Variants in MKI67 observed in about 807,000 individuals in gnomAD.
The protein encoded by MKI67 is marker of proliferation Ki-67, also known as proliferation marker protein Ki-67.
A neutral mutation model predicts 233.5 loss-of-function variants in MKI67; 152 were observed. The ratio of observed to expected loss-of-function variants is 0.65; its 90% CI spans 0.57 to 0.74. The LOEUF (loss-of-function observed/expected upper bound fraction) is 0.74. MKI67 is among the 30% of genes least tolerant of loss of function. The pLI is 0.00. For synonymous variants in MKI67, 1,465 were observed against 1,418.5 expected (o/e 1.03, Z -0.74); for missense variants, 3,940 against 3,885.2 (o/e 1.01, Z -0.37).
At position 128,103,990 on chromosome 10, in the gene MKI67, G is replaced by C; in HGVS notation, c.7850C>G (p.Ser2617Ter). ...RPRKEVKEEL[S>*]AVERLTQTSG... ...TGTTTGCGTGAGCCTCTCAACTGCTGAGAGCTCCTCTTTTACTTCTTTCCT... is the reference window on the plus strand; with the variant it reads ...TGTTTGCGTGAGCCTCTCAACTGCTCAGAGCTCCTCTTTTACTTCTTTCCT... Residue 2617 changes from serine to a stop codon, truncating the protein, a stop_gained, in exon 13 of 15, where the codon TCA becomes TGA. Transcript: ENST00000368654. LOFTEE classifies it high-confidence loss of function. 6.2e-7 allele frequency: 1 copy of C among 1,614,086 alleles called. No homozygotes were observed. Among genetic ancestry groups the C allele is most frequent in the Non-Finnish European group, 8.5e-7 (1 of 1,180,038 alleles).
rs371837560 is a variant in MKI67 at position 128,103,299 on chromosome 10, C to T, written c.8541G>A (p.Gln2847=). 2.5e-6 allele frequency: 4 copies of T among 1,614,208 alleles called. No homozygotes were observed. The highest frequency in any genetic ancestry group is 3.4e-6 in the Non-Finnish European group (4 of 1,180,034). The change falls in exon 13 of 15, where the codon CAG becomes CAA. Residue 2847 remains glutamine, a synonymous_variant. Transcript: ENST00000368654. ...ACAGCTCCTCCTTCACTTCTACTTTCTGGGCACGTGTCCTGGGCCGTCTCT... is the reference window on the plus strand; with the variant it reads ...ACAGCTCCTCCTTCACTTCTACTTTTTGGGCACGTGTCCTGGGCCGTCTCT... The part of the protein sequence containing the change: ...SSKRRPRTRA[Q]KVEVKEELLA...
chr10:128,108,748 T>C lies in MKI67; in HGVS notation c.3092A>G (p.Lys1031Arg), dbSNP rs565403668. 14 of 1,614,246 alleles carry C rather than the reference T, an allele frequency of 8.7e-6. No homozygotes were observed. In the African/African-American group the frequency reaches 1.9e-4, roughly 22 times the overall value. Residue 1031 changes from lysine to arginine, a missense_variant, in exon 13 of 15, where the codon AAA becomes AGA. Coordinates refer to ENST00000368654, the MANE Select transcript of MKI67 (RefSeq NM_002417.5). ...TKQQLKASLG[K>R]VGVKEELLAV... is the part of the protein sequence containing the mutation. Reference sequence around the variant, plus strand: ...TAGGAGCTCTTCTTTCACACCTACTTTCCCCAGGGATGCCTTCAACTGTTG... The same window carrying C: ...TAGGAGCTCTTCTTTCACACCTACTCTCCCCAGGGATGCCTTCAACTGTTG...
chr10:128,103,878 T>C lies in MKI67; in HGVS notation c.7962A>G (p.Pro2654=), dbSNP rs374912940. 177 of 1,613,726 alleles carry C rather than the reference T, an allele frequency of 1.1e-4. No homozygotes were observed. Among genetic ancestry groups the C allele is most frequent in the Non-Finnish European group, 1.4e-4 (169 of 1,179,966 alleles). ...TGCTGGGTTCCTCTTCTACTGGGTT[T>C]GGTTTCTTCTTTGCACGTTGCTTCA... ...KVLKQRAKKK[P]NPVEEEPSRR... The change falls in exon 13 of 15, where the codon CCA becomes CCG. Residue 2654 remains proline (P), a synonymous_variant. Coordinates refer to ENST00000368654, the MANE Select transcript of MKI67 (RefSeq NM_002417.5).
chr10:128,104,632 A>G lies in MKI67; in HGVS notation c.7208T>C (p.Phe2403Ser). 6.2e-7 allele frequency: 1 copy of G among 1,613,538 alleles called. No individual in the cohort carries two copies. Among genetic ancestry groups the G allele is most frequent in the Non-Finnish European group, 8.5e-7 (1 of 1,179,910 alleles). ...CAGTTTCTGCACTGGAGTTTCCACA[A>G]ATGTGTTGATATTTTTCTCATCACT... The part of the protein sequence containing the change: ...AVSDEKNINT[F>S]VETPVQKLDL... Residue 2403 changes from phenylalanine to serine, a missense_variant, in exon 13 of 15, where the codon TTT becomes TCT. Phe to Ser is a radical substitution (Grantham distance 155). Transcript: ENST00000368654.
chr10:128,100,338 C>G (rs1341888027), intron 14 of MKI67, among the ~76,000 whole-genome samples: 2 of 152,168 alleles, frequency 1.3e-5, no homozygotes, highest in African/African-American at 4.8e-5. Context: ...GGCTATGCAG[C>G]AGGTACTGGG....
At position 128,106,037 on chromosome 10, in the gene MKI67, G is replaced by T; in HGVS notation, c.5803C>A (p.Pro1935Thr). 1 of 1,614,080 alleles carries T rather than the reference G, an allele frequency of 6.2e-7. No individual in the cohort carries two copies. The highest frequency in any genetic ancestry group is 8.5e-7 in the Non-Finnish European group (1 of 1,180,000). Residue 1935 changes from proline to threonine, a missense_variant, in exon 13 of 15, where the codon CCT (proline) becomes ACT (threonine). Transcript: ENST00000368654. ...VEKLDLLGNL[P>T]GSKRRPQTPK... ...GTTTGTGGCCGTCTCTTGCTGCCAG[G>T]TAAATTTCCTAGCAGGTCCAGTTTC...
rs1227901875 is a variant in MKI67 at position 128,103,485 on chromosome 10, TCTC to T, written c.8352_8354del (p.Arg2786del). ...CACTTTCCCTGGGTGCTCTTGGCCGTCTCCTGCTGCCAGTTACACTTGCTGCTG... is the reference window on the plus strand; with the variant it reads ...CACTTTCCCTGGGTGCTCTTGGCCGTCTGCTGCCAGTTACACTTGCTGCTG... On this transcript the variant is annotated inframe_deletion, in exon 13 of 15. Transcript: ENST00000368654. The T allele has an allele frequency of 1.9e-6, 3 of 1,613,840 alleles. No individual in the cohort carries two copies. The highest frequency in any genetic ancestry group is 2.5e-6 in the Non-Finnish European group (3 of 1,179,868).
At chr10:128,109,642 T>C (rs768204498) in intron 12 of MKI67, among the ~76,000 whole-genome samples, 2 of 152,208 alleles carry the variant, frequency 1.3e-5, no homozygotes, top group African/African-American at 4.8e-5. Context: ...TAAGCAAAGT[T>C]AGATGCTGAA....
intron 2 of MKI67, among the ~76,000 whole-genome samples, chr10:128,124,683 C>G (rs1400157394): frequency 6.6e-6 from 1 of 152,116 alleles, no homozygotes; most frequent in East Asian, 1.9e-4. Flanking sequence ...GGGAGACAAA[C>G]CCACAACTCA....
chr10:128,116,251 TGAGTTGAC>T (rs1470988334), intron 6 of MKI67, among the ~76,000 whole-genome samples: 1 of 152,232 alleles, frequency 6.6e-6, no homozygotes, highest in Non-Finnish European at 1.5e-5. Context: ...TACTGAGAAC[TGAGTTGAC>T]AGCTGAACAG....
intron 8 of MKI67, among the ~76,000 whole-genome samples, chr10:128,112,750 C>T (rs115097086): frequency 1.3e-5 from 2 of 152,116 alleles, no homozygotes; most frequent in African/African-American, 4.8e-5. Context: ...TGTGAGCACC[C>T]AGCCCCCGGC....
At position 128,111,373 on chromosome 10, in the gene MKI67, A is replaced by G. The variant is rs183011031; in HGVS notation, c.2260+272T>C. 268 of 321,122 alleles carry G rather than the reference A, an allele frequency of 8.3e-4. 3 individuals carry two copies. Among genetic ancestry groups the G allele is most frequent in the Admixed American group, 5.4e-3 (116 of 21,588 alleles). The allele number at this position is 321,122 out of a possible 1,614,324, so 19.9% of individuals were successfully genotyped here. A position where few individuals can be genotyped will look rare whatever the true frequency, so the allele number is the denominator to read the frequency against. ...ACTGTAAAGCACCTTCCAGCTTTCT[A>G]TGTATACGCTGCTCTCCAGGGTAAA... On this transcript the variant is annotated intron_variant, in intron 11 of 14. Transcript: ENST00000368654.
intron 14 of MKI67, among the ~76,000 whole-genome samples, chr10:128,100,056 G>T (rs960199654): frequency 1.3e-5 from 2 of 152,164 alleles, no homozygotes; most frequent in Admixed American, 6.5e-5. Flanking sequence ...GCGTTTTATT[G>T]TAAGACTCGA....
At position 128,108,151 on chromosome 10, in the gene MKI67, AGCT is replaced by A. The variant is rs754046851; in HGVS notation, c.3686_3688del (p.Glu1229_Leu1230delinsVal). On this transcript the variant is annotated inframe_deletion, in exon 13 of 15. Coordinates refer to ENST00000368654, the MANE Select transcript of MKI67 (RefSeq NM_002417.5). ...CTCGGTGTGACCAGGAGTCTGGAAG[AGCT>A]CTTTAAAGCCAGCCAGGTCTTCTAG... The A allele has an allele frequency of 6.2e-7, 1 of 1,612,760 alleles. No homozygotes were observed. Among genetic ancestry groups the A allele is most frequent in the Non-Finnish European group, 8.5e-7 (1 of 1,179,774 alleles).
Position 128,101,361 on chromosome 10 carries a change from C to G in MKI67, c.9602G>C (p.Arg3201Thr). 2 of 1,614,210 alleles carry G rather than the reference C, an allele frequency of 1.2e-6. No homozygotes were observed. The highest frequency in any genetic ancestry group is 1.7e-6 in the Non-Finnish European group (2 of 1,180,018). Reference sequence around the variant, plus strand: ...AGGCTGGCTTTTTGTCTTTCTTGATCTCAGGCACATGGAGTCTGAATTTCC... The same window carrying G: ...AGGCTGGCTTTTTGTCTTTCTTGATGTCAGGCACATGGAGTCTGAATTTCC... ...EAGNSDSMCLRSRKTKSQPAA... is the reference protein window; with the variant it reads ...EAGNSDSMCLTSRKTKSQPAA... The change falls in exon 14 of 15, where the codon AGA (arginine) becomes ACA (threonine). Residue 3201 changes from arginine to threonine, a missense_variant. Transcript: ENST00000368654.
Position 128,103,011 on chromosome 10 carries a change from T to C in MKI67, c.8829A>G (p.Thr2943=), listed in dbSNP as rs1364015573. ...ELANGAADSF[T]SAPKQTPDSG... ...TGTCAGGTGTTTGCTTTGGAGCGCT[T>C]GTAAAGCTATCAGCAGCACCATTTG... The change falls in exon 13 of 15, where the codon ACA becomes ACG. Residue 2943 remains threonine (T), a synonymous_variant. Coordinates refer to ENST00000368654, the MANE Select transcript of MKI67 (RefSeq NM_002417.5). 1.9e-6 allele frequency: 3 copies of C among 1,614,244 alleles called. No homozygotes were observed. Among genetic ancestry groups the C allele is most frequent in the South Asian group, 1.1e-5 (1 of 91,088 alleles).
Position 128,105,735 on chromosome 10 carries a change from A to G in MKI67, c.6105T>C (p.Asp2035=), listed in dbSNP as rs200379535. 1.6e-4 allele frequency: 257 copies of G among 1,612,944 alleles called. 1 individual carries two copies. The East Asian group carries it at 5.4e-3, about 34-fold the overall frequency. ...TTQTHRETAG[D]GKSIKAFKES... is the part of the protein sequence containing the mutation. ...CCTTAAACGCTTTGATGCTCTTTCCATCTCCTGCTGTCTCTCTGTGTGTCT... is the reference window on the plus strand; with the variant it reads ...CCTTAAACGCTTTGATGCTCTTTCCGTCTCCTGCTGTCTCTCTGTGTGTCT... The change falls in exon 13 of 15, where the codon GAT becomes GAC. Residue 2035 remains aspartate, a synonymous_variant. Coordinates refer to ENST00000368654, the MANE Select transcript of MKI67 (RefSeq NM_002417.5).
In MKI67 at chr10:128,113,569, C is replaced by T. The variant is rs751858908; in HGVS notation, c.1514G>A (p.Arg505His). 4.3e-5 allele frequency: 69 copies of T among 1,614,172 alleles called. No homozygotes were observed. The South Asian group carries it at 5.3e-4, about 12-fold the overall frequency. Residue 505 changes from arginine to histidine, a missense_variant, in exon 8 of 15, where the codon CGT becomes CAT. Physicochemically the swap from Arg to His is conservative, Grantham distance 29. Transcript: ENST00000368654. ...TCTTAGGTGCCCACCAAAGGACACACGCCTTCTTTTCAAAGGTATTCCCTC... is the reference window on the plus strand; with the variant it reads ...TCTTAGGTGCCCACCAAAGGACACATGCCTTCTTTTCAAAGGTATTCCCTC... ...ESEGIPLKRR[R>H]VSFGGHLRPE...
chr10:128,101,904 T>C (rs574019307), intron 13 of MKI67, among the ~76,000 whole-genome samples: 2 of 152,334 alleles, frequency 1.3e-5, no homozygotes, highest in East Asian at 3.9e-4. Context: ...TGACTGTCTC[T>C]GCTGACAAAT....
Sources: allele counts gnomAD v4.1 joint callset (sites outside exome capture counted in the v4.1 genomes callset), GRCh38; gene constraint gnomAD v4.1.1; transcripts MANE v1.5; gene names NCBI Gene and HGNC (gene_info 2026-07-23, HGNC 2026-07-21).